LRRC14: variants seen among roughly 807,000 people sequenced by gnomAD.
LRRC14 encodes the protein leucine rich repeat containing 14, also known as leucine-rich repeat-containing protein 14.
LRRC14 carries 16 observed loss-of-function variants against 25.3 expected under a neutral mutation model. That is an observed-to-expected ratio of 0.63 (90% CI 0.43 to 0.96). The LOEUF is 0.96. Among genes scored for constraint, LRRC14 ranks in the 40% least tolerant of loss-of-function variants. The pLI, the probability that LRRC14 is intolerant of heterozygous loss-of-function variation, is 0.00. For synonymous variants in LRRC14, 359 were observed against 295.1 expected (o/e 1.22, Z -2.22); for missense variants, 594 against 660.5 (o/e 0.90, Z 1.10).
chr8:144,521,483 G>A lies in LRRC14; in HGVS notation c.*5G>A, dbSNP rs780578210. 2 of 1,591,660 alleles carry A rather than the reference G, an allele frequency of 1.3e-6. No homozygotes were observed. Among genetic ancestry groups the A allele is most frequent in the Non-Finnish European group, 1.7e-6 (2 of 1,173,306 alleles). ...GCGGACTACTTCAGCCTATGATGAA[G>A]TAGCTCTGGGTGAGACACAGGCCGC... On this transcript the variant is annotated 3_prime_UTR_variant, in exon 4 of 4. Coordinates refer to ENST00000292524, the MANE Select transcript of LRRC14 (RefSeq NM_014665.4).
At position 144,522,766 on chromosome 8, in the gene LRRC14, C is replaced by G; in HGVS notation, c.*1288C>G. 1.3e-6 allele frequency: 2 copies of G among 1,574,086 alleles called. No individual in the cohort carries two copies. Among genetic ancestry groups the G allele is most frequent in the South Asian group, 1.2e-5 (1 of 86,614 alleles). ...AGATCATGGCGACCAGGAGCAGCGC[C>G]GTGAGCGCCAGCAGCGCGATGGCCG... is the stretch of plus-strand genomic sequence containing the variant. On this transcript the variant is annotated 3_prime_UTR_variant, in exon 4 of 4. Coordinates refer to ENST00000292524, the MANE Select transcript of LRRC14 (RefSeq NM_014665.4).
rs991378268 is a variant in LRRC14 at position 144,521,701 on chromosome 8, C to T, written c.*223C>T. On this transcript the variant is annotated 3_prime_UTR_variant, in exon 4 of 4. Coordinates refer to ENST00000292524, the MANE Select transcript of LRRC14 (RefSeq NM_014665.4). Reference sequence around the variant, plus strand: ...TAATTGGCTGATCATCTGTGGGCCCCGGGGCTGGATGTCAGGCCTCCATTG... The same window carrying T: ...TAATTGGCTGATCATCTGTGGGCCCTGGGGCTGGATGTCAGGCCTCCATTG... 3.5e-5 allele frequency: 20 copies of T among 569,334 alleles called. No individual in the cohort carries two copies. Among genetic ancestry groups the T allele is most frequent in the Admixed American group, 6.4e-5 (2 of 31,340 alleles). 35.3% of individuals were successfully genotyped at this position (569,334 alleles called of 1,614,324 possible).
rs1816227217 is a variant in LRRC14 at position 144,523,706 on chromosome 8, T to A, written c.*2228T>A. Reference sequence around the variant, plus strand: ...TTCCTGCAACAAGTGCCACTGTTTTTAGGAACCTGGGCGTCCACATAGACA... The same window carrying A: ...TTCCTGCAACAAGTGCCACTGTTTTAAGGAACCTGGGCGTCCACATAGACA... On this transcript the variant is annotated 3_prime_UTR_variant, in exon 4 of 4. Coordinates refer to ENST00000292524, the MANE Select transcript of LRRC14 (RefSeq NM_014665.4). 3 of 419,484 alleles carry A rather than the reference T, an allele frequency of 7.2e-6. No homozygotes were observed. In the South Asian group the frequency reaches 1.9e-4, roughly 27 times the overall value. The allele number at this position is 419,484 out of a possible 1,614,324, so 26.0% of individuals were successfully genotyped here.
Position 144,522,586 on chromosome 8 carries a change from CTTGGAGCGGT to C in LRRC14, c.*1110_*1119del. On this transcript the variant is annotated 3_prime_UTR_variant, in exon 4 of 4. Coordinates refer to ENST00000292524, the MANE Select transcript of LRRC14 (RefSeq NM_014665.4). ...CCGCCGGACCCTCGGCGAAGAGCGG[CTTGGAGCGGT>C]TGATGACGAACATCTCGTGGCCGCG... 6.4e-7 allele frequency: 1 copy of C among 1,562,172 alleles called. No individual in the cohort carries two copies. Among genetic ancestry groups the C allele is most frequent in the South Asian group, 1.2e-5 (1 of 85,198 alleles).
In LRRC14 at chr8:144,522,126, C is replaced by CGCCCCGCCCTTCGCGGGGCA. The variant is rs1332486145; in HGVS notation, c.*655_*674dup. On this transcript the variant is annotated 3_prime_UTR_variant, in exon 4 of 4. Coordinates refer to ENST00000292524, the MANE Select transcript of LRRC14 (RefSeq NM_014665.4). ...CGGCAACAACTGCCATCCAGCCTGT[C>CGCCCCGCCCTTCGCGGGGCA]GCCCCGCCCTTCGCGGGGCAGCCCC... 1 of 293,918 alleles carries CGCCCCGCCCTTCGCGGGGCA rather than the reference C, an allele frequency of 3.4e-6. No individual in the cohort carries two copies. The highest frequency in any genetic ancestry group is 6.3e-6 in the Non-Finnish European group (1 of 158,278). 18.2% of individuals were successfully genotyped at this position (293,918 alleles called of 1,614,324 possible). A position where few individuals can be genotyped will look rare whatever the true frequency, so the allele number is the denominator to read the frequency against.
At position 144,521,723 on chromosome 8, in the gene LRRC14, A is replaced by C. The variant is rs1816076332; in HGVS notation, c.*245A>C. On this transcript the variant is annotated 3_prime_UTR_variant, in exon 4 of 4. Transcript: ENST00000292524. ...CCCCGGGGCTGGATGTCAGGCCTCC[A>C]TTGCCCTGCTCAGTTTGGCTGCATT... 6 of 545,916 alleles carry C rather than the reference A, an allele frequency of 1.1e-5. No individual in the cohort carries two copies. The Middle Eastern group carries it at 1.4e-3, about 130-fold the overall frequency. The allele number at this position is 545,916 out of a possible 1,614,324, so 33.8% of individuals were successfully genotyped here. A position where few individuals can be genotyped will look rare whatever the true frequency, so the allele number is the denominator to read the frequency against.
Position 144,519,674 on chromosome 8 carries a change from C to T in LRRC14, c.-52C>T. 2.0e-6 allele frequency: 3 copies of T among 1,501,970 alleles called. No individual in the cohort carries two copies. Among genetic ancestry groups the T allele is most frequent in the Non-Finnish European group, 1.8e-6 (2 of 1,108,226 alleles). The allele number at this position is 1,501,970 out of a possible 1,614,324, so 93.0% of individuals were successfully genotyped here. A position where few individuals can be genotyped will look rare whatever the true frequency, so the allele number is the denominator to read the frequency against. On this transcript the variant is annotated 5_prime_UTR_variant, in exon 2 of 4. Coordinates refer to ENST00000292524, the MANE Select transcript of LRRC14 (RefSeq NM_014665.4). ...GCTTGGTAGTGGCCTAGGGTCTCTCCTCCCTGCTGAAGTCCCTCTCCTGCA... is the reference window on the plus strand; with the variant it reads ...GCTTGGTAGTGGCCTAGGGTCTCTCTTCCCTGCTGAAGTCCCTCTCCTGCA...
chr8:144,522,544 GCA>G lies in LRRC14; in HGVS notation c.*1067_*1068del, dbSNP rs753170082. The G allele has an allele frequency of 3.9e-6, 6 of 1,528,016 alleles. No homozygotes were observed. Among genetic ancestry groups the G allele is most frequent in the Non-Finnish European group, 5.3e-6 (6 of 1,139,704 alleles). The allele number at this position is 1,528,016 out of a possible 1,614,324, so 94.7% of individuals were successfully genotyped here. A position where few individuals can be genotyped will look rare whatever the true frequency, so the allele number is the denominator to read the frequency against. On this transcript the variant is annotated 3_prime_UTR_variant, in exon 4 of 4. Coordinates refer to ENST00000292524, the MANE Select transcript of LRRC14 (RefSeq NM_014665.4). ...CCGGCCCCGCCCCCTGTTCCGGGCC[GCA>G]GTCAGCGGGCGCCTCCGCCGGACCC... is the stretch of plus-strand genomic sequence containing the variant.
Position 144,524,133 on chromosome 8 carries a change from C to T in LRRC14, c.*2655C>T. Reference sequence around the variant, plus strand: ...ACCTGTGAGGCGCAGGACTTGCAGACTGGCCAGGGGCTGCAGGGCCTCTCG... The same window carrying T: ...ACCTGTGAGGCGCAGGACTTGCAGATTGGCCAGGGGCTGCAGGGCCTCTCG... On this transcript the variant is annotated 3_prime_UTR_variant, in exon 4 of 4. Transcript: ENST00000292524. 3 of 1,604,220 alleles carry T rather than the reference C, an allele frequency of 1.9e-6. No homozygotes were observed. The highest frequency in any genetic ancestry group is 2.6e-6 in the Non-Finnish European group (3 of 1,173,498).
rs1816014740 is a variant in LRRC14, at chr8:144,521,169, G to C, written c.1173G>C (p.Gln391His). ...TGGCCACACTACCCATCCTGACTCA[G>C]TGCGCCAGTCTCCGGTACCTTGGCC... ...QLLATLPILT[Q>H]CASLRYLGLY... The change falls in exon 4 of 4, where the codon CAG becomes CAC. Residue 391 changes from glutamine (Q) to histidine (H), a missense_variant. Physicochemically the swap from Gln to His is conservative, Grantham distance 24. Coordinates refer to ENST00000292524, the MANE Select transcript of LRRC14 (RefSeq NM_014665.4). 4.3e-6 allele frequency: 7 copies of C among 1,613,058 alleles called. No individual in the cohort carries two copies. Among genetic ancestry groups the C allele is most frequent in the Non-Finnish European group, 5.9e-6 (7 of 1,180,040 alleles).
At position 144,521,344 on chromosome 8, in the gene LRRC14, G is replaced by T. The variant is rs902980063; in HGVS notation, c.1348G>T (p.Ala450Ser). 6.2e-7 allele frequency: 1 copy of T among 1,612,992 alleles called. No individual in the cohort carries two copies. The highest frequency in any genetic ancestry group is 8.5e-7 in the Non-Finnish European group (1 of 1,180,010). ...GCCGCCTGCCTCTGTCCTGCTGGAG[G>T]CCTCCATCAATGAGGAGAAGTTTGC... ...WPPPASVLLEASINEEKFARV... is the reference protein window; with the variant it reads ...WPPPASVLLESSINEEKFARV... The change falls in exon 4 of 4, where the codon GCC becomes TCC. Residue 450 changes from alanine to serine, a missense_variant. Physicochemically the swap from Ala to Ser is moderately conservative, Grantham distance 99. Coordinates refer to ENST00000292524, the MANE Select transcript of LRRC14 (RefSeq NM_014665.4).
In LRRC14 at chr8:144,523,545, C is replaced by G; in HGVS notation, c.*2067C>G. On this transcript the variant is annotated 3_prime_UTR_variant, in exon 4 of 4. Coordinates refer to ENST00000292524, the MANE Select transcript of LRRC14 (RefSeq NM_014665.4). ...TTTCACACGGAGTCCAAGGCCCTGC[C>G]ACCCCTTCCTTGACCCCAAGCTCCT... 4 of 1,340,418 alleles carry G rather than the reference C, an allele frequency of 3.0e-6. No homozygotes were observed. The South Asian group carries it at 7.6e-5, about 25-fold the overall frequency. The allele number at this position is 1,340,418 out of a possible 1,614,324, so 83.0% of individuals were successfully genotyped here.
In LRRC14 at chr8:144,521,158, A is replaced by C; in HGVS notation, c.1162A>C (p.Ile388Leu). 1.2e-6 allele frequency: 2 copies of C among 1,612,998 alleles called. No individual in the cohort carries two copies. Among genetic ancestry groups the C allele is most frequent in the Non-Finnish European group, 1.7e-6 (2 of 1,179,988 alleles). Residue 388 changes from isoleucine (I) to leucine (L), a missense_variant, in exon 4 of 4, where the codon ATC (isoleucine) becomes CTC (leucine). Coordinates refer to ENST00000292524, the MANE Select transcript of LRRC14 (RefSeq NM_014665.4). ...ADTQLLATLP[I>L]LTQCASLRYL... The stretch of plus-strand genomic sequence containing the variant: ...CACCCAGCTGTTGGCCACACTACCC[A>C]TCCTGACTCAGTGCGCCAGTCTCCG...
At position 144,520,334 on chromosome 8, in the gene LRRC14, C is replaced by G; in HGVS notation, c.426C>G (p.Ala142=). 6.2e-7 allele frequency: 1 copy of G among 1,612,374 alleles called. No individual in the cohort carries two copies. The highest frequency in any genetic ancestry group is 8.5e-7 in the Non-Finnish European group (1 of 1,179,936). Residue 142 remains alanine, a synonymous_variant, in exon 3 of 4, where the codon GCC becomes GCG. Coordinates refer to ENST00000292524, the MANE Select transcript of LRRC14 (RefSeq NM_014665.4). ...GTMSMWDCTA[A]VARTCIAQQQ... ...TGAGCATGTGGGACTGTACTGCTGC[C>G]GTAGCTCGCACATGCATTGCCCAGC... is the stretch of plus-strand genomic sequence containing the variant.
chr8:144,518,943 C>T (rs985069665), intron 1 of LRRC14: 1 of 152,380 alleles, frequency 6.6e-6, no homozygotes, highest in Admixed American at 6.5e-5. Flanking sequence ...AAGACTTGGT[C>T]TTTCCACAGT....
At position 144,522,417 on chromosome 8, in the gene LRRC14, A is replaced by G; in HGVS notation, c.*939A>G. On this transcript the variant is annotated 3_prime_UTR_variant, in exon 4 of 4. Transcript: ENST00000292524. ...CGGCTTCCACCTTTACTGACGGAGC[A>G]TGCGCGAGGCCGCACCGGCCAATCT... 1.5e-6 allele frequency: 2 copies of G among 1,375,904 alleles called. No homozygotes were observed. The highest frequency in any genetic ancestry group is 1.9e-6 in the Non-Finnish European group (2 of 1,072,686). The allele number at this position is 1,375,904 out of a possible 1,614,324, so 85.2% of individuals were successfully genotyped here.
rs753367072 is a variant in LRRC14 at position 144,522,621 on chromosome 8, G to A, written c.*1143G>A. 1 of 1,573,622 alleles carries A rather than the reference G, an allele frequency of 6.4e-7. No individual in the cohort carries two copies. The highest frequency in any genetic ancestry group is 8.6e-7 in the Non-Finnish European group (1 of 1,162,398). On this transcript the variant is annotated 3_prime_UTR_variant, in exon 4 of 4. Coordinates refer to ENST00000292524, the MANE Select transcript of LRRC14 (RefSeq NM_014665.4). ...TTGATGACGAACATCTCGTGGCCGC[G>A]CTCGTCGCGGAGCTCCTCTAGCTGT...
Position 144,522,488 on chromosome 8 carries a change from T to G in LRRC14, c.*1010T>G. The G allele has an allele frequency of 1.3e-6, 2 of 1,491,340 alleles. No individual in the cohort carries two copies. Among genetic ancestry groups the G allele is most frequent in the South Asian group, 1.3e-5 (1 of 76,676 alleles). The allele number at this position is 1,491,340 out of a possible 1,614,324, so 92.4% of individuals were successfully genotyped here. On this transcript the variant is annotated 3_prime_UTR_variant, in exon 4 of 4. Coordinates refer to ENST00000292524, the MANE Select transcript of LRRC14 (RefSeq NM_014665.4). ...GCGCCCGCGGCCCTAGCAGTGGATCTCGTAGGCGACCGGCGGGGGCACGCG... is the reference window on the plus strand; with the variant it reads ...GCGCCCGCGGCCCTAGCAGTGGATCGCGTAGGCGACCGGCGGGGGCACGCG...
In LRRC14 at chr8:144,523,985, A is replaced by T; in HGVS notation, c.*2507A>T. The T allele has an allele frequency of 8.9e-7, 1 of 1,119,950 alleles. No homozygotes were observed. Among genetic ancestry groups the T allele is most frequent in the Non-Finnish European group, 1.3e-6 (1 of 782,102 alleles). 69.4% of individuals were successfully genotyped at this position (1,119,950 alleles called of 1,614,324 possible). On this transcript the variant is annotated 3_prime_UTR_variant, in exon 4 of 4. Coordinates refer to ENST00000292524, the MANE Select transcript of LRRC14 (RefSeq NM_014665.4). ...TCCCGCAGCCCTCCAGTGTGGCTGC[A>T]GGCGGTGGTGCAGCCTTCCAGACTG...
Sources: allele counts gnomAD v4.1 joint callset, GRCh38; gene constraint gnomAD v4.1.1; transcripts MANE v1.5; gene names NCBI Gene and HGNC (gene_info 2026-07-23, HGNC 2026-07-21).